Variants in GUCY2F observed in about 807,000 individuals in gnomAD.
GUCY2F encodes the protein retinal guanylyl cyclase 2.
A neutral mutation model predicts 73.1 loss-of-function variants in GUCY2F; 61 were observed. The observed-to-expected ratio is 0.83, with a 90% CI of 0.68 to 1.03. The LOEUF (loss-of-function observed/expected upper bound fraction) is 1.03, where lower values mean the gene tolerates loss of function less well. GUCY2F is among the 50% of genes least tolerant of loss of function. The pLI is 0.00. For missense variants in GUCY2F, 912 were observed against 854.3 expected, an observed-to-expected ratio of 1.07 and a Z score of -0.84; for synonymous variants, 331 against 307.8, an observed-to-expected ratio of 1.08 and a Z score of -0.79.
intron 16 of GUCY2F, among the ~76,000 whole-genome samples, chrX:109,384,782 G>A (rs1055119700): frequency 9.0e-6 from 1 of 111,653 alleles, no homozygotes; most frequent in African/African-American, 3.3e-5. Context: ...GCTTCAGTGC[G>A]TCTCCACAAA....
chrX:109,447,337 G>C (rs1932037131), intron 6 of GUCY2F, among the ~76,000 whole-genome samples: 1 of 110,782 alleles, frequency 9.0e-6, no homozygotes, highest in Non-Finnish European at 1.9e-5. Context: ...TATGTTTATT[G>C]AGGCACTATT....
chrX:109,473,050 C>T (rs1444016154), intron 2 of GUCY2F, among the ~76,000 whole-genome samples: 1 of 111,594 alleles, frequency 9.0e-6, no homozygotes, highest in African/African-American at 3.3e-5. Flanking sequence ...CTCAGTTCCC[C>T]TGCCCCCACC....
chrX:109,384,973 G>C (rs760598027), intron 16 of GUCY2F, among the ~76,000 whole-genome samples: 11 of 111,668 alleles, frequency 9.9e-5, no homozygotes, highest in Non-Finnish European at 1.5e-4. Context: ...AGAAAGAAAG[G>C]TACATGTTCA....
At chrX:109,388,806 G>T in intron 14 of GUCY2F, 143 bp from the exon 15 acceptor site, 1 of 429,192 alleles carries the variant, frequency 2.3e-6, no homozygotes, top group Non-Finnish European at 4.0e-6. Flanking sequence ...CCACAAGTCT[G>T]GCTGCATGTT....
At chrX:109,410,963 T>C (rs975542400) in intron 8 of GUCY2F, among the ~76,000 whole-genome samples, 1 of 111,242 alleles carries the variant, frequency 9.0e-6, no homozygotes, top group Non-Finnish European at 1.9e-5. Flanking sequence ...CCATATCCCA[T>C]GAGACTTTAT....
At chrX:109,452,958 T>C (rs917271455) in intron 4 of GUCY2F, among the ~76,000 whole-genome samples, 3 of 111,657 alleles carry the variant, frequency 2.7e-5, no homozygotes, top group South Asian at 3.8e-4. Flanking sequence ...GTCCCTACCC[T>C]CAACAAGCAA....
chrX:109,383,534 C>T (rs760605099), intron 16 of GUCY2F: 24 of 173,718 alleles, frequency 1.4e-4, no homozygotes, highest in Non-Finnish European at 2.2e-4. Context: ...TGAGGAGAGG[C>T]TACCTCTCTA....
intron 10 of GUCY2F, among the ~76,000 whole-genome samples, chrX:109,400,653 A>G (rs1017462785): frequency 8.8e-4 from 98 of 111,249 alleles, no homozygotes; most frequent in African/African-American, 3.0e-3. Flanking sequence ...TTGCTCTTTA[A>G]GTGTCCCCAG....
chrX:109,408,164 C>T, intron 9 of GUCY2F, among the ~76,000 whole-genome samples: 1 of 112,672 alleles, frequency 8.9e-6, no homozygotes, highest in Admixed American at 9.3e-5. Flanking sequence ...CTTCTTGCAT[C>T]AGCGTGACCT....
chrX:109,448,016 G>C (rs1320957700), intron 6 of GUCY2F, 53 bp downstream of exon 6: 10 of 599,471 alleles, frequency 1.7e-5, no homozygotes, highest in Non-Finnish European at 2.8e-5. Context: ...AATTATTTGT[G>C]GCTTGTGGCT....
intron 9 of GUCY2F, among the ~76,000 whole-genome samples, chrX:109,408,259 T>C (rs1041905583): frequency 5.3e-5 from 6 of 112,302 alleles, no homozygotes; most frequent in Admixed American, 2.8e-4. Context: ...GCATGGGCCC[T>C]GTAACCCCTT....
intron 2 of GUCY2F, among the ~76,000 whole-genome samples, chrX:109,473,145 T>A (rs1362738581): frequency 3.6e-5 from 4 of 110,847 alleles, no homozygotes; most frequent in Non-Finnish European, 7.5e-5. Flanking sequence ...CAAAGGAAAA[T>A]CCTGCAGTGC....
chrX:109,392,603 G>A (rs946703083), intron 13 of GUCY2F, among the ~76,000 whole-genome samples: 3 of 111,406 alleles, frequency 2.7e-5, no homozygotes, highest in Non-Finnish European at 1.9e-5. Flanking sequence ...TCTTTTAATC[G>A]GTCAACCTCC....
chrX:109,433,847 G>T (rs1052495994), intron 7 of GUCY2F, among the ~76,000 whole-genome samples: 1 of 110,790 alleles, frequency 9.0e-6, no homozygotes, highest in Non-Finnish European at 1.9e-5. Flanking sequence ...CTCAAGGGTG[G>T]CCTTAGAACA....
chrX:109,415,279 A>G (rs1931214159), intron 8 of GUCY2F, among the ~76,000 whole-genome samples: 1 of 112,050 alleles, frequency 8.9e-6, no homozygotes, highest in African/African-American at 3.2e-5. Flanking sequence ...TTGCTGGGAA[A>G]ATGCAAAAAC....
rs916026333 is a variant in GUCY2F at position 109,441,450 on chromosome X, A to G, written c.1602T>C (p.Ile534=). The G allele has an allele frequency of 8.5e-7, 1 of 1,182,184 alleles. No homozygotes were observed. The highest frequency in any genetic ancestry group is 1.8e-5 in the African/African-American group (1 of 56,456). Residue 534 remains isoleucine, a synonymous_variant, in exon 7 of 20, where the codon ATT becomes ATC. Coordinates refer to ENST00000218006, the MANE Select transcript of GUCY2F (RefSeq NM_001522.3). The part of the protein sequence containing the change: ...RGSRASVSFQ[I]TSEVQSGRSP... ...ACCTCCCACTTTGGACCTCTGAGGT[A>G]ATCTGGAAGCTTACACTGGCACGAC...
chrX:109,435,743 A>G (rs1047104531), intron 7 of GUCY2F, among the ~76,000 whole-genome samples: 1 of 111,709 alleles, frequency 9.0e-6, no homozygotes, highest in Non-Finnish European at 1.9e-5. Context: ...TTGCCCATTC[A>G]GTATGATATT....
chrX:109,420,336 GAGAA>G (rs1341038363), intron 8 of GUCY2F, among the ~76,000 whole-genome samples: 11 of 101,045 alleles, frequency 1.1e-4, no homozygotes, highest in East Asian at 3.0e-4. Context: ...AAGAGAGAAA[GAGAA>G]AGAAAGAAAG....
At chrX:109,448,030 A>G (rs764733499) in intron 6 of GUCY2F, 39 bp downstream of exon 6, 2 of 657,263 alleles carry the variant, frequency 3.0e-6, no homozygotes, top group Admixed American at 2.3e-5. Flanking sequence ...TGTGGCTACC[A>G]TGTTGGACAG....
Sources: gnomAD v4.1 joint callset for allele counts (sites outside exome capture counted in the v4.1 genomes callset) on GRCh38, gnomAD v4.1.1 for gene constraint, MANE v1.5 for transcripts, NCBI Gene and HGNC (gene_info 2026-07-23, HGNC 2026-07-21) for gene names.